OPHN1: variants seen among roughly 807,000 people sequenced by gnomAD.
OPHN1 encodes the protein oligophrenin 1.
A neutral mutation model predicts 60.7 loss-of-function variants in OPHN1; 11 were observed. That is an observed-to-expected ratio of 0.18 (90% CI 0.11 to 0.30). The LOEUF is 0.30. OPHN1 is among the 10% of genes least tolerant of loss of function. OPHN1 has a pLI of 1.00. For missense variants in OPHN1, 449 were observed against 611.0 expected, an observed-to-expected ratio of 0.73 and a Z score of 2.80; for synonymous variants, 226 against 222.6, an observed-to-expected ratio of 1.02 and a Z score of -0.14.
chrX:68,166,254 C>CTTATTA (rs1264800838), intron 15 of OPHN1, among the ~76,000 whole-genome samples: 1 of 112,413 alleles, frequency 8.9e-6, no homozygotes, highest in Non-Finnish European at 1.9e-5. Flanking sequence ...AAGCCATTGG[C>CTTATTA]CAGGCACGGT....
At chrX:68,101,317 T>C (rs2077057855) in intron 18 of OPHN1, among the ~76,000 whole-genome samples, 1 of 112,398 alleles carries the variant, frequency 8.9e-6, no homozygotes, top group African/African-American at 3.2e-5. Flanking sequence ...TGAGCAGCTA[T>C]TACAAGTTCA....
chrX:68,417,005 G>A (rs1284862890), intron 2 of OPHN1, among the ~76,000 whole-genome samples: 2 of 112,526 alleles, frequency 1.8e-5, no homozygotes. Context: ...TTGGCCATGA[G>A]CCACAGCATG....
intron 15 of OPHN1, among the ~76,000 whole-genome samples, chrX:68,123,686 AAG>A (rs1336176187): frequency 4.5e-5 from 5 of 111,544 alleles, no homozygotes; most frequent in African/African-American, 1.6e-4. Flanking sequence ...AATGGGTTAT[AAG>A]AGAGAATTTG....
At chrX:68,425,704 T>C (rs2078850688) in intron 2 of OPHN1, among the ~76,000 whole-genome samples, 1 of 109,073 alleles carries the variant, frequency 9.2e-6, no homozygotes, top group Non-Finnish European at 1.9e-5. Context: ...ATTAAAACTA[T>C]AGAATTATTT....
At chrX:68,151,384 G>A (rs759987984) in intron 15 of OPHN1, among the ~76,000 whole-genome samples, 1 of 111,927 alleles carries the variant, frequency 8.9e-6, no homozygotes, top group African/African-American at 3.2e-5. Context: ...AGTCTTAGTA[G>A]GTATGAGTCA....
At chrX:68,383,838 C>A (rs1250887049) in intron 2 of OPHN1, among the ~76,000 whole-genome samples, 2 of 110,155 alleles carry the variant, frequency 1.8e-5, no homozygotes, top group Non-Finnish European at 3.8e-5. Flanking sequence ...GAAGACTGTT[C>A]CCTGTTTATA....
chrX:68,107,903 T>C (rs1231156785), intron 18 of OPHN1, among the ~76,000 whole-genome samples: 1 of 112,149 alleles, frequency 8.9e-6, no homozygotes, highest in African/African-American at 3.2e-5. Context: ...TACACTGGAA[T>C]AATGTGAACA....
At chrX:68,053,866 C>G (rs2076862330) in intron 21 of OPHN1, 56 bp from the exon 22 acceptor site, 1 of 1,148,210 alleles carries the variant, frequency 8.7e-7, no homozygotes. Context: ...GAACACTACT[C>G]ATGAGCAGGC....
At chrX:68,222,929 GA>G (rs1280454442) in intron 6 of OPHN1, among the ~76,000 whole-genome samples, 2 of 101,170 alleles carry the variant, frequency 2.0e-5, no homozygotes, top group African/African-American at 7.2e-5. Context: ...AAGTATAATA[GA>G]AAAAATAAAT....
At chrX:68,113,842 A>T (rs113055437) in intron 16 of OPHN1, among the ~76,000 whole-genome samples, 1 of 101,016 alleles carries the variant, frequency 9.9e-6, no homozygotes, top group Non-Finnish European at 2.0e-5. Context: ...GAGGGATAGC[A>T]TTAGGAGATA....
rs148290576 is a variant in OPHN1, at chrX:68,135,720, T to C, written c.1277-16388A>G. On this transcript the variant is annotated intron_variant, in intron 15 of 24. Transcript: ENST00000355520. ...ACTAGAAGTGGTCAGATTATGTATA[T>C]AATTTGAAATAAGACCCTACAGAAT... Among the ~76,000 whole-genome samples, 56 of 112,450 alleles carry C rather than the reference T, an allele frequency of 5.0e-4. No homozygotes were observed. In the East Asian group the frequency reaches 0.015, roughly 30 times the overall value.
intron 15 of OPHN1, among the ~76,000 whole-genome samples, chrX:68,121,260 C>A (rs190369625): frequency 8.9e-6 from 1 of 112,031 alleles, no homozygotes; most frequent in East Asian, 2.8e-4. Flanking sequence ...GGGCTGATAT[C>A]CAAAATATAG....
chrX:68,265,293 T>G (rs2077917834), intron 5 of OPHN1, among the ~76,000 whole-genome samples: 1 of 111,877 alleles, frequency 8.9e-6, no homozygotes, highest in African/African-American at 3.2e-5. Flanking sequence ...AGGGACAGAC[T>G]GACACCTCAC....
chrX:68,143,264 A>G (rs1035537758), intron 15 of OPHN1, among the ~76,000 whole-genome samples: 1 of 112,007 alleles, frequency 8.9e-6, no homozygotes, highest in African/African-American at 3.2e-5. Context: ...ATATAAAACC[A>G]ACAACCTCCA....
chrX:68,373,842 G>A (rs1008337781), intron 2 of OPHN1, among the ~76,000 whole-genome samples: 11 of 111,206 alleles, frequency 9.9e-5, no homozygotes, highest in African/African-American at 3.3e-4. Flanking sequence ...GCCATGACAG[G>A]TTAAGTGATT....
chrX:68,222,972 G>C (rs1460700163), intron 6 of OPHN1, among the ~76,000 whole-genome samples: 1 of 110,182 alleles, frequency 9.1e-6, no homozygotes, highest in Admixed American at 9.7e-5. Context: ...AAAAGAAAAT[G>C]GAAATTAAAA....
At chrX:68,087,721 G>C (rs1380421531) in intron 19 of OPHN1, among the ~76,000 whole-genome samples, 1 of 111,709 alleles carries the variant, frequency 9.0e-6, no homozygotes, top group Non-Finnish European at 1.9e-5. Context: ...TACAAGACTT[G>C]GCCCTGATGA....
intron 2 of OPHN1, among the ~76,000 whole-genome samples, chrX:68,331,632 G>A (rs2147676564): frequency 9.5e-6 from 1 of 105,450 alleles, no homozygotes; most frequent in African/African-American, 3.5e-5. Context: ...CTGGGAAGCT[G>A]AAACACATGA....
At chrX:68,360,725 G>C (rs915189679) in intron 2 of OPHN1, among the ~76,000 whole-genome samples, 2 of 111,148 alleles carry the variant, frequency 1.8e-5, no homozygotes, top group Admixed American at 1.9e-4. Flanking sequence ...GGGGGTTGCA[G>C]TGAGTGAAGA....
Sources: allele counts gnomAD v4.1 joint callset (sites outside exome capture counted in the v4.1 genomes callset), GRCh38; gene constraint gnomAD v4.1.1; transcripts MANE v1.5; gene names NCBI Gene and HGNC (gene_info 2026-07-23, HGNC 2026-07-21).